CNOT10: variants seen among roughly 807,000 people sequenced by gnomAD.
CNOT10 encodes the protein CCR4-NOT transcription complex subunit 10.
Under a neutral mutation model 94.6 loss-of-function variants are expected in CNOT10, and 30 were observed. The ratio of observed to expected loss-of-function variants is 0.32; its 90% CI spans 0.24 to 0.43. The LOEUF is 0.43. CNOT10 is among the 20% of genes least tolerant of loss of function. The pLI is 1.00. For missense variants in CNOT10, 759 were observed against 877.2 expected (o/e 0.87, Z 1.70); for synonymous variants, 289 against 301.6 (o/e 0.96, Z 0.43).
chr3:32,721,058 T>C (rs952387914), intron 8 of CNOT10, among the ~76,000 whole-genome samples: 2 of 86,308 alleles, frequency 2.3e-5, no homozygotes, highest in African/African-American at 6.0e-5. Flanking sequence ...TTTCTTTCCT[T>C]TCTTTTTTTT....
Position 32,764,494 on chromosome 3 carries a change from A to T in CNOT10, c.1876+4A>T. On this transcript the variant is annotated splice_donor_region_variant and intron_variant, in intron 16 of 18. Transcript: ENST00000328834. ...GAAAATGAAGCAATGGAATCCTGTAAGTAAGAAGTTTTGTGATACTTAAGT... is the reference window on the plus strand; with the variant it reads ...GAAAATGAAGCAATGGAATCCTGTATGTAAGAAGTTTTGTGATACTTAAGT... The T allele has an allele frequency of 6.2e-7, 1 of 1,613,344 alleles. No individual in the cohort carries two copies. The highest frequency in any genetic ancestry group is 1.1e-5 in the South Asian group (1 of 90,826).
chr3:32,757,584 A>G (rs1700277547), intron 13 of CNOT10, among the ~76,000 whole-genome samples: 1 of 152,216 alleles, frequency 6.6e-6, no homozygotes, highest in African/African-American at 2.4e-5. Flanking sequence ...TACTTCTTGA[A>G]TGAATGAATG....
intron 4 of CNOT10, 58 bp downstream of exon 4, chr3:32,708,878 T>C: frequency 7.0e-7 from 1 of 1,429,198 alleles, no homozygotes; most frequent in Non-Finnish European, 9.5e-7. Context: ...CAGAATTCTC[T>C]GGTACTTTTA....
At chr3:32,694,208 A>G (rs1466247364) in intron 1 of CNOT10, among the ~76,000 whole-genome samples, 2 of 152,036 alleles carry the variant, frequency 1.3e-5, no homozygotes, top group Non-Finnish European at 2.9e-5. Context: ...TCCAGTAACA[A>G]ACTGTAGAAA....
intron 3 of CNOT10, 95 bp from the exon 4 acceptor site, chr3:32,708,575 G>A: frequency 9.9e-7 from 1 of 1,007,732 alleles, no homozygotes. Context: ...GAATAAGAAT[G>A]TTGGCCTATG....
chr3:32,761,215 C>G (rs1028964724), intron 14 of CNOT10, among the ~76,000 whole-genome samples: 21 of 152,198 alleles, frequency 1.4e-4, no homozygotes, highest in African/African-American at 5.1e-4. Flanking sequence ...GCAAGAAAAT[C>G]TTGTCCAATA....
chr3:32,702,660 G>A (rs984502159), intron 1 of CNOT10, among the ~76,000 whole-genome samples: 6 of 152,088 alleles, frequency 3.9e-5, no homozygotes, highest in African/African-American at 1.2e-4. Flanking sequence ...TAAAGCCATC[G>A]TAGGTGTGTT....
chr3:32,705,268 T>C (rs762773439), intron 3 of CNOT10, among the ~76,000 whole-genome samples: 1 of 152,210 alleles, frequency 6.6e-6, no homozygotes, highest in Non-Finnish European at 1.5e-5. Context: ...TGTGGAGATA[T>C]ATCTTGTTTA....
intron 18 of CNOT10, among the ~76,000 whole-genome samples, chr3:32,772,551 G>A (rs1322755295): frequency 1.3e-5 from 2 of 151,732 alleles, no homozygotes; most frequent in African/African-American, 4.8e-5. Flanking sequence ...TTTTAAAAAG[G>A]CTGGGCACAG....
intron 8 of CNOT10, among the ~76,000 whole-genome samples, chr3:32,722,759 G>A (rs550735452): frequency 1.5e-4 from 23 of 151,556 alleles, no homozygotes; most frequent in Non-Finnish European, 3.1e-4. Flanking sequence ...TGAGGCCGAC[G>A]GATCACTTGA....
chr3:32,710,942 G>A (rs1697858529), intron 4 of CNOT10, among the ~76,000 whole-genome samples: 1 of 152,058 alleles, frequency 6.6e-6, no homozygotes, highest in African/African-American at 2.4e-5. Context: ...GGCTGGTCTT[G>A]AACTCCTGGG....
At chr3:32,726,526 C>G (rs1426603227) in intron 9 of CNOT10, among the ~76,000 whole-genome samples, 1 of 151,762 alleles carries the variant, frequency 6.6e-6, no homozygotes, top group Non-Finnish European at 1.5e-5. Flanking sequence ...AACCCTGTCT[C>G]TACTAAAAAT....
chr3:32,692,325 G>A (rs1696887811), intron 1 of CNOT10, among the ~76,000 whole-genome samples: 1 of 152,068 alleles, frequency 6.6e-6, no homozygotes, highest in African/African-American at 2.4e-5. Flanking sequence ...CAAACTCTTG[G>A]GCTGAAGGAA....
intron 17 of CNOT10, among the ~76,000 whole-genome samples, chr3:32,766,370 T>C (rs1262208379): frequency 8.7e-5 from 4 of 45,794 alleles, no homozygotes; most frequent in Admixed American, 5.9e-4. Flanking sequence ...CGGTGGCTCA[T>C]GCCTGTAATC....
chr3:32,747,293 C>CTG (rs1475320088), intron 13 of CNOT10, among the ~76,000 whole-genome samples: 11 of 152,024 alleles, frequency 7.2e-5, no homozygotes, highest in African/African-American at 2.4e-4. Flanking sequence ...TGGCGCATGC[C>CTG]TGTAATCCCA....
chr3:32,716,476 A>G (rs1460671114), intron 6 of CNOT10, among the ~76,000 whole-genome samples, 165 bp downstream of exon 6: 2 of 152,182 alleles, frequency 1.3e-5, no homozygotes, highest in Non-Finnish European at 2.9e-5. Flanking sequence ...TCCTAAATAC[A>G]TTTTTCTTAA....
intron 1 of CNOT10, among the ~76,000 whole-genome samples, chr3:32,702,880 T>A (rs900455558): frequency 1.3e-5 from 2 of 151,948 alleles, no homozygotes; most frequent in African/African-American, 4.8e-5. Context: ...TAGCTTCTTA[T>A]TAGCTTATAA....
At position 32,729,326 on chromosome 3, in the gene CNOT10, A is replaced by G. The variant is rs73827042; in HGVS notation, c.1215+1456A>G. ...ATTGGTGGAAGCCTTTTGAATTTCA[A>G]TTTGGGAGGGATCAGTAGGAGATAG... On this transcript the variant is annotated intron_variant, in intron 10 of 18. Coordinates refer to ENST00000328834, the MANE Select transcript of CNOT10 (RefSeq NM_015442.3). 3.9e-3 allele frequency among the ~76,000 whole-genome samples: 596 copies of G among 152,262 alleles called. 4 individuals are homozygous for G. The highest frequency in any genetic ancestry group is 0.014 in the African/African-American group (564 of 41,554).
intron 18 of CNOT10, among the ~76,000 whole-genome samples, chr3:32,770,389 G>C (rs1193936068): frequency 7.9e-6 from 1 of 126,498 alleles, no homozygotes. Flanking sequence ...GCAGTGGCGC[G>C]ATCTCGGCTC....
Sources: allele counts gnomAD v4.1 joint callset (sites outside exome capture counted in the v4.1 genomes callset), GRCh38; gene constraint gnomAD v4.1.1; transcripts MANE v1.5; gene names NCBI Gene and HGNC (gene_info 2026-07-23, HGNC 2026-07-21).